The following QRICH1 variants were observed in gnomAD, a reference collection of about 807,000 sequenced individuals.
QRICH1 encodes glutamine rich 1.
Under a neutral mutation model 87.1 loss-of-function variants are expected in QRICH1, and 16 were observed. That is an observed-to-expected ratio of 0.18 (90% CI 0.12 to 0.28). The LOEUF is 0.28. Among genes scored for constraint, QRICH1 ranks in the 10% least tolerant of loss-of-function variants. The pLI, the probability that QRICH1 is intolerant of heterozygous loss-of-function variation, is 1.00. For synonymous variants in QRICH1, 367 were observed against 368.4 expected (o/e 1.00, Z 0.05); for missense variants, 647 against 951.7 (o/e 0.68, Z 4.21).
At chr3:49,061,339 A>G (rs1164117991) in intron 2 of QRICH1, among the ~76,000 whole-genome samples, 1 of 152,040 alleles carries the variant, frequency 6.6e-6, no homozygotes, top group Non-Finnish European at 1.5e-5. Flanking sequence ...ATTTAAATAA[A>G]CAGAATCCCA....
At chr3:49,062,995 G>A (rs187033484) in intron 2 of QRICH1, among the ~76,000 whole-genome samples, 181 of 150,318 alleles carry the variant, frequency 1.2e-3, no homozygotes, top group Non-Finnish European at 2.1e-3. Context: ...ACGAGACTCC[G>A]TCTCAAAAAA....
At chr3:49,084,529 C>T (rs1322042648) in intron 1 of QRICH1, among the ~76,000 whole-genome samples, 2 of 152,168 alleles carry the variant, frequency 1.3e-5, no homozygotes, top group African/African-American at 4.8e-5. Context: ...GCTAGGATTA[C>T]AGGCGTGAGC....
At chr3:49,053,386 G>A (rs569274020) in intron 3 of QRICH1, among the ~76,000 whole-genome samples, 3 of 151,250 alleles carry the variant, frequency 2.0e-5, no homozygotes, top group Admixed American at 1.3e-4. Flanking sequence ...TACTCGGGAG[G>A]CTGAGGCAAA....
chr3:49,078,448 G>A (rs1470359193), intron 1 of QRICH1, among the ~76,000 whole-genome samples: 1 of 122,052 alleles, frequency 8.2e-6, no homozygotes, highest in Admixed American at 1.1e-4. Context: ...AGGCTGGAGT[G>A]CAGTGGCTTG....
intron 8 of QRICH1, 166 bp from the exon 9 acceptor site, chr3:49,032,439 T>C: frequency 1.1e-6 from 1 of 881,702 alleles, no homozygotes; most frequent in Non-Finnish European, 1.7e-6. Flanking sequence ...AGGCAGCTAT[T>C]CTGTCTGGGG....
chr3:49,057,641 C>G lies in QRICH1; in HGVS notation c.559G>C (p.Glu187Gln). 1.2e-6 allele frequency: 2 copies of G among 1,614,216 alleles called. No individual in the cohort carries two copies. Among genetic ancestry groups the G allele is most frequent in the Non-Finnish European group, 1.7e-6 (2 of 1,180,042 alleles). ...ATTTGCTGATGTGGGATGTGCTCCT[C>G]CGGGATTTCTGCAGCCTGGATCTGC... ...AQQIQAAEIP[E>Q]EHIPHQQIQA... The change falls in exon 3 of 10, where the codon GAG becomes CAG. Residue 187 changes from glutamate to glutamine, a missense_variant. By Grantham distance (29) the Glu-to-Gln change is conservative (BLOSUM62 2). This residue lies in a region of QRICH1 where 156 missense variants were observed against 164.5 expected (regional missense o/e 0.95). Transcript: ENST00000395443. The surrounding 1 kb of genome is among the most constrained non-coding windows in gnomAD (Gnocchi z 5.4).
chr3:49,080,506 T>TAA (rs980247390), intron 1 of QRICH1, among the ~76,000 whole-genome samples: 1 of 150,276 alleles, frequency 6.7e-6, no homozygotes, highest in Non-Finnish European at 1.5e-5. Context: ...AAAAATAATT[T>TAA]AAAAAAAAAC....
At chr3:49,084,237 C>T (rs1027317454) in intron 1 of QRICH1, among the ~76,000 whole-genome samples, 9 of 151,978 alleles carry the variant, frequency 5.9e-5, no homozygotes, top group African/African-American at 1.7e-4. Flanking sequence ...TGAGCAACCA[C>T]ACCCAGCCTA....
rs117456689 is a variant in QRICH1 at position 49,049,140 on chromosome 3, C to A, written c.1339-1894G>T. ...GCTGGTATCGAACTCCTGACCTCGA[C>A]TGATCTGCCCGCCTTGGCCTCCCAA... is the stretch of plus-strand genomic sequence containing the variant. On this transcript the variant is annotated intron_variant, in intron 3 of 9. Transcript: ENST00000395443. Among the ~76,000 whole-genome samples, 107 of 151,960 alleles carry A rather than the reference C, an allele frequency of 7.0e-4. 1 individual carries two copies. In the East Asian group the frequency reaches 0.018, roughly 26 times the overall value.
At chr3:49,055,872 T>C (rs1012596237) in intron 3 of QRICH1, among the ~76,000 whole-genome samples, 1 of 152,064 alleles carries the variant, frequency 6.6e-6, no homozygotes, top group African/African-American at 2.4e-5. Context: ...AGAGACGGGG[T>C]TTCACCATGT....
At position 49,052,004 on chromosome 3, in the gene QRICH1, A is replaced by G. The variant is rs77860278; in HGVS notation, c.1339-4758T>C. On this transcript the variant is annotated intron_variant, in intron 3 of 9. Transcript: ENST00000395443. ...TACATTGTGGTGTAAATTTGTTCCT[A>G]CATATAATGGAAGCCTTGGAGAGTT... 9.9e-3 allele frequency among the ~76,000 whole-genome samples: 1,505 copies of G among 152,310 alleles called. 16 individuals are homozygous for G. The highest frequency in any genetic ancestry group is 0.017 in the Non-Finnish European group (1,123 of 68,030).
intron 2 of QRICH1, among the ~76,000 whole-genome samples, chr3:49,059,308 A>G (rs1038280462): frequency 2.0e-5 from 3 of 151,700 alleles, no homozygotes; most frequent in Non-Finnish European, 4.4e-5. Context: ...TGCCCAGGTT[A>G]GAGTACCGTG....
intron 2 of QRICH1, among the ~76,000 whole-genome samples, chr3:49,076,403 C>T (rs1409951099): frequency 6.6e-6 from 1 of 152,072 alleles, no homozygotes; most frequent in East Asian, 1.9e-4. Context: ...ACGCAAGTCA[C>T]GTTGAACCTG....
chr3:49,081,741 T>A (rs770760608), intron 1 of QRICH1, among the ~76,000 whole-genome samples: 99 of 152,056 alleles, frequency 6.5e-4, no homozygotes, highest in Non-Finnish European at 1.1e-3. Flanking sequence ...GCTCAAGAGA[T>A]CTGCCCACCT....
rs555697638 is a variant in QRICH1, at chr3:49,051,839, T to C, written c.1339-4593A>G. Among the ~76,000 whole-genome samples the C allele has an allele frequency of 9.9e-5, 15 of 152,244 alleles. 1 individual carries two copies. In the South Asian group the frequency reaches 2.9e-3, roughly 29 times the overall value. On this transcript the variant is annotated intron_variant, in intron 3 of 9. Coordinates refer to ENST00000395443, the MANE Select transcript of QRICH1 (RefSeq NM_198880.3). ...TGCTTCTGTAGCAGGCCCCCTTCAC[T>C]GTGTGCTTCCAAACACTAAATGTCA...
intron 2 of QRICH1, among the ~76,000 whole-genome samples, chr3:49,062,178 TA>T (rs1435928593): frequency 6.6e-6 from 1 of 151,548 alleles, no homozygotes; most frequent in Non-Finnish European, 1.5e-5. Flanking sequence ...CTACTAAAAA[TA>T]CAAAAATTAG....
intron 1 of QRICH1, among the ~76,000 whole-genome samples, chr3:49,078,394 T>TTC (rs2041993898): frequency 7.7e-6 from 1 of 129,698 alleles, no homozygotes; most frequent in Admixed American, 8.0e-5. Flanking sequence ...TCCTTTTTTT[T>TTC]TTTTTTTTTT....
Position 49,030,342 on chromosome 3 carries a change from G to GT in QRICH1, c.*109dup, listed in dbSNP as rs1372626199. On this transcript the variant is annotated 3_prime_UTR_variant, in exon 10 of 10. Transcript: ENST00000395443. Reference sequence around the variant, plus strand: ...AAACAGAAGCAGCCTGAAAGGCTTCGTAACTACACCAATAAAAAAAAGAAA... The same window carrying GT: ...AAACAGAAGCAGCCTGAAAGGCTTCGTTAACTACACCAATAAAAAAAAGAAA... 2.8e-6 allele frequency: 3 copies of GT among 1,057,852 alleles called. No homozygotes were observed. The highest frequency in any genetic ancestry group is 3.3e-5 in the African/African-American group (2 of 61,472). The allele number at this position is 1,057,852 out of a possible 1,614,324, so 65.5% of individuals were successfully genotyped here.
chr3:49,054,313 G>A (rs1292734597), intron 3 of QRICH1, among the ~76,000 whole-genome samples: 1 of 152,146 alleles, frequency 6.6e-6, no homozygotes, highest in Non-Finnish European at 1.5e-5. Context: ...CAAAAGCTGA[G>A]CATAGAGACC....
Sources: allele counts gnomAD v4.1 joint callset (sites outside exome capture counted in the v4.1 genomes callset), GRCh38; gene constraint gnomAD v4.1.1; regional missense constraint gnomAD v4.1.1; non-coding constraint Gnocchi (gnomAD v3.1); transcripts MANE v1.5; gene names NCBI Gene and HGNC (gene_info 2026-07-23, HGNC 2026-07-21).